DOCK8: variants seen among roughly 807,000 people sequenced by gnomAD.
DOCK8 encodes dedicator of cytokinesis protein 8.
A neutral mutation model predicts 245.6 loss-of-function variants in DOCK8; 141 were observed. The observed-to-expected ratio is 0.57, with a 90% confidence interval of 0.50 to 0.66. DOCK8 has a LOEUF of 0.66. Ranked by LOEUF, DOCK8 falls within the 30% of genes least tolerant of loss-of-function variation. The pLI is 0.00. For synonymous variants in DOCK8, 1,168 were observed against 970.2 expected (o/e 1.20, Z -3.79); for missense variants, 2,965 against 2,603.4 (o/e 1.14, Z -3.02).
intron 36 of DOCK8, among the ~76,000 whole-genome samples, chr9:430,559 G>A (rs1398887706): frequency 2.0e-5 from 3 of 151,618 alleles, no homozygotes; most frequent in African/African-American, 7.3e-5. Context: ...ACACACGCCC[G>A]TAATCTTAGC....
At chr9:407,197 A>C in intron 28 of DOCK8, 128 bp downstream of exon 28, 1 of 1,401,864 alleles carries the variant, frequency 7.1e-7, no homozygotes, top group East Asian at 2.5e-5. Context: ...GAGGAGTAGA[A>C]ACATCTGTCT....
chr9:235,916 C>T (rs779833620), intron 1 of DOCK8, among the ~76,000 whole-genome samples: 1 of 152,218 alleles, frequency 6.6e-6, no homozygotes, highest in African/African-American at 2.4e-5. Flanking sequence ...TGTCCTGTAC[C>T]TACTGTCTGG....
chr9:374,453 G>GTTTTTT (rs762085208), intron 18 of DOCK8, among the ~76,000 whole-genome samples: 6 of 75,352 alleles, frequency 8.0e-5, no homozygotes, highest in Admixed American at 2.1e-4. Flanking sequence ...GTCCTTTTGT[G>GTTTTTT]TTTTTTTTTT....
intron 26 of DOCK8, among the ~76,000 whole-genome samples, chr9:401,206 G>T (rs957711438): frequency 6.6e-6 from 1 of 150,924 alleles, no homozygotes; most frequent in Non-Finnish European, 1.5e-5. Context: ...AAAATAAGAA[G>T]GGGGGGTTGA....
intron 46 of DOCK8, among the ~76,000 whole-genome samples, chr9:461,646 A>G (rs781016812): frequency 1.4e-5 from 2 of 143,606 alleles, no homozygotes; most frequent in Non-Finnish European, 3.0e-5. Flanking sequence ...GGCTCAAGCC[A>G]TCTTCCCACC....
intron 39 of DOCK8, 40 bp downstream of exon 39, chr9:435,015 C>G (rs1429217053): frequency 6.2e-7 from 1 of 1,606,010 alleles, no homozygotes; most frequent in Non-Finnish European, 8.5e-7. Flanking sequence ...CAGTGGTTCT[C>G]AACTGGGGCG....
intron 2 of DOCK8, 140 bp downstream of exon 2, chr9:271,869 C>G (rs995822708): frequency 3.0e-5 from 20 of 672,788 alleles, no homozygotes; most frequent in African/African-American, 1.5e-4. Flanking sequence ...GTGACTGTGT[C>G]TGGACATCAG....
intron 4 of DOCK8, among the ~76,000 whole-genome samples, chr9:292,094 A>G (rs1447767087): frequency 7.9e-6 from 1 of 127,328 alleles, no homozygotes; most frequent in Non-Finnish European, 1.7e-5. Flanking sequence ...AAAAAAAGCC[A>G]GGCACGGTGC....
chr9:348,563 C>G (rs1376362890), intron 14 of DOCK8, among the ~76,000 whole-genome samples: 1 of 152,112 alleles, frequency 6.6e-6, no homozygotes, highest in Non-Finnish European at 1.5e-5. Context: ...ATGAGTTGCC[C>G]TGGTTGGTGG....
At position 325,657 on chromosome 9, in the gene DOCK8, T is replaced by C; in HGVS notation, c.828-14T>C. 1 of 1,612,266 alleles carries C rather than the reference T, an allele frequency of 6.2e-7. No homozygotes were observed. The highest frequency in any genetic ancestry group is 8.5e-7 in the Non-Finnish European group (1 of 1,178,286). On this transcript the variant is annotated splice_polypyrimidine_tract_variant and intron_variant, in intron 7 of 47. Coordinates refer to ENST00000432829, the MANE Select transcript of DOCK8 (RefSeq NM_203447.4). ...ACTCAAAGCCACATAGATTTTCCTCTCTTTCTATGGTAGGTTCGAGATTGA... is the reference window on the plus strand; with the variant it reads ...ACTCAAAGCCACATAGATTTTCCTCCCTTTCTATGGTAGGTTCGAGATTGA...
intron 46 of DOCK8, 119 bp downstream of exon 46, chr9:452,236 C>A: frequency 1.5e-6 from 1 of 684,548 alleles, no homozygotes; most frequent in East Asian, 3.0e-5. Flanking sequence ...CAGGCACCCT[C>A]CAGACCTGCT....
At chr9:235,350 C>G (rs1407305189) in intron 1 of DOCK8, among the ~76,000 whole-genome samples, 1 of 152,142 alleles carries the variant, frequency 6.6e-6, no homozygotes, top group Non-Finnish European at 1.5e-5. Context: ...GGTCAGGGAC[C>G]CACTTGAGGA....
chr9:212,029 G>A (rs771777608), upstream of DOCK8, among the ~76,000 whole-genome samples: 8 of 152,180 alleles, frequency 5.3e-5, no homozygotes, highest in Non-Finnish European at 8.8e-5. Flanking sequence ...CTTTAGGATA[G>A]GAAATGGCTC....
chr9:278,598 T>C (rs2048452343), intron 2 of DOCK8, among the ~76,000 whole-genome samples: 1 of 152,222 alleles, frequency 6.6e-6, no homozygotes, highest in South Asian at 2.1e-4. Flanking sequence ...GAGATGCTTT[T>C]AGATTGGATC....
rs371596862 is a variant in DOCK8 at position 463,535 on chromosome 9, G to A, written c.6087G>A (p.Glu2029=). The change falls in exon 47 of 48, where the codon GAG becomes GAA. Residue 2029 remains glutamate (E), a synonymous_variant. Transcript: ENST00000432829. The part of the protein sequence containing the change: ...EFIMRCGEAV[E]KNKRLITADQ... Reference sequence around the variant, plus strand: ...ATCTCAGATGTGGTGAAGCTGTAGAGAAAAACAAGCGTCTCATCACGGCAG... The same window carrying A: ...ATCTCAGATGTGGTGAAGCTGTAGAAAAAAACAAGCGTCTCATCACGGCAG... 1 of 1,614,066 alleles carries A rather than the reference G, an allele frequency of 6.2e-7. No homozygotes were observed. The highest frequency in any genetic ancestry group is 2.2e-5 in the East Asian group (1 of 44,902).
intron 22 of DOCK8, 106 bp downstream of exon 22, chr9:382,791 G>T: frequency 7.0e-7 from 1 of 1,437,422 alleles, no homozygotes; most frequent in South Asian, 1.2e-5. Flanking sequence ...CCACCATGCT[G>T]GTCGGATGCT....
intron 4 of DOCK8, among the ~76,000 whole-genome samples, chr9:299,308 G>C (rs550524907): frequency 2.0e-5 from 3 of 152,248 alleles, no homozygotes; most frequent in East Asian, 3.9e-4. Flanking sequence ...GAAACTAGCA[G>C]GTTTATAAAA....
intron 23 of DOCK8, among the ~76,000 whole-genome samples, chr9:386,942 C>G (rs1384071038): frequency 6.6e-6 from 1 of 152,158 alleles, no homozygotes; most frequent in Non-Finnish European, 1.5e-5. Context: ...TCAGCCTTAC[C>G]TATGAGTTCA....
At chr9:353,874 C>A (rs930205127) in intron 14 of DOCK8, among the ~76,000 whole-genome samples, 2 of 152,100 alleles carry the variant, frequency 1.3e-5, no homozygotes, top group Admixed American at 6.5e-5. Flanking sequence ...TAGCATTCTT[C>A]TTATTATCTG....
Sources: gnomAD v4.1 joint callset for allele counts (sites outside exome capture counted in the v4.1 genomes callset) on GRCh38, gnomAD v4.1.1 for gene constraint, MANE v1.5 for transcripts, NCBI Gene and HGNC (gene_info 2026-07-23, HGNC 2026-07-21) for gene names.